OXNAD1: variants seen among roughly 807,000 people sequenced by gnomAD.
OXNAD1 encodes the protein oxidoreductase NAD binding domain containing 1, also known as oxidoreductase NAD-binding domain-containing protein 1.
Under a neutral mutation model 32.9 loss-of-function variants are expected in OXNAD1, and 34 were observed. The ratio of observed to expected loss-of-function variants is 1.03; its 90% confidence interval spans 0.79 to 1.38. OXNAD1 has a LOEUF of 1.38. OXNAD1 is among the 40% of genes most tolerant of loss of function. OXNAD1 has a pLI of 0.00. For synonymous variants in OXNAD1, 134 were observed against 135.2 expected (o/e 0.99, Z 0.06); for missense variants, 407 against 379.4 (o/e 1.07, Z -0.60).
chr3:16,313,997 G>A (rs1344609733), intron 9 of OXNAD1, among the ~76,000 whole-genome samples: 3 of 152,096 alleles, frequency 2.0e-5, no homozygotes, highest in Non-Finnish European at 2.9e-5. Context: ...AGGTGAAGTA[G>A]TTGAAAACAG....
Position 16,301,902 on chromosome 3 carries a change from G to A in OXNAD1, c.675+34G>A. On this transcript the variant is annotated intron_variant, in intron 7 of 8. Transcript: ENST00000285083. The surrounding 1 kb of genome is among the most constrained non-coding windows in gnomAD (Gnocchi z 4.1). ...GGTATAGCTTGCTGTAAGCAAACTT[G>A]TGTAGTGGTATTAATTGTTCATGAA... 1.3e-6 allele frequency: 2 copies of A among 1,599,508 alleles called. No homozygotes were observed. The highest frequency in any genetic ancestry group is 8.5e-7 in the Non-Finnish European group (1 of 1,171,628).
At chr3:16,306,571 C>T (rs73818366), downstream of OXNAD1, among the ~76,000 whole-genome samples, 1,945 of 152,182 alleles carry the variant, frequency 0.013, 33 homozygotes, top group African/African-American at 0.045. Context: ...ATGGCACACT[C>T]CTTACACCCC....
intron 9 of OXNAD1, chr3:16,326,891 C>G: frequency 6.2e-7 from 1 of 1,603,920 alleles, no homozygotes; most frequent in Non-Finnish European, 8.5e-7. Flanking sequence ...GGGAACAAGG[C>G]CAGCATTAGG....
rs190638401 is a variant in OXNAD1 at position 16,297,799 on chromosome 3, A to G, written c.432+2802A>G. On this transcript the variant is annotated intron_variant, in intron 6 of 8. Transcript: ENST00000285083. The surrounding 1 kb of genome is among the most constrained non-coding windows in gnomAD (Gnocchi z 4.3). ...GAAGACAAAGATATAATGATGGGAA[A>G]CCAGTGGTTGACTGGGGTTGAGATT... Among the ~76,000 whole-genome samples the G allele has an allele frequency of 5.1e-4, 77 of 152,296 alleles. No individual in the cohort carries two copies. The highest frequency in any genetic ancestry group is 1.8e-3 in the African/African-American group (74 of 41,566).
In OXNAD1 at chr3:16,301,803, G is replaced by A; in HGVS notation, c.610G>A (p.Gly204Arg). The change falls in exon 7 of 9, where the codon GGA becomes AGA. Residue 204 changes from glycine to arginine, a missense_variant. Coordinates refer to ENST00000285083, the MANE Select transcript of OXNAD1 (RefSeq NM_138381.5). The surrounding 1 kb of genome is among the most constrained non-coding windows in gnomAD (Gnocchi z 4.1). ...CAGAGAGCAGGCAAACAAAAGAAAT[G>A]GATATGAGATAGGAACAATAAAACT... ...LLREQANKRN[G>R]YEIGTIKLFY... is the part of the protein sequence containing the mutation. 6.2e-7 allele frequency: 1 copy of A among 1,614,048 alleles called. No homozygotes were observed. Among genetic ancestry groups the A allele is most frequent in the Non-Finnish European group, 8.5e-7 (1 of 1,179,970 alleles).
At chr3:16,283,405 G>A (rs1055063086) in intron 4 of OXNAD1, among the ~76,000 whole-genome samples, 4 of 152,184 alleles carry the variant, frequency 2.6e-5, no homozygotes, top group African/African-American at 9.7e-5. Flanking sequence ...TCCTAGCTAG[G>A]TGATCTTGAG....
Position 16,317,286 on chromosome 3 carries a change from T to C in OXNAD1, c.*30+13694T>C. The C allele has an allele frequency of 6.3e-7, 1 of 1,580,272 alleles. No individual in the cohort carries two copies. Among genetic ancestry groups the C allele is most frequent in the Non-Finnish European group, 8.6e-7 (1 of 1,164,616 alleles). On this transcript the variant is annotated intron_variant, in intron 9 of 9. Coordinates refer to the OXNAD1 transcript ENST00000435829. This position sits in a 1 kb window ranked among gnomAD's most constrained non-coding sequence, Gnocchi z 4.3. ...AACAAGCCTCCGGGAACCCAGAGCT[T>C]CACCCAAAGCCTTGTTTGCATTCAT...
chr3:16,338,869 T>C (rs758106041), downstream of OXNAD1, among the ~76,000 whole-genome samples: 8 of 152,238 alleles, frequency 5.3e-5, no homozygotes, highest in Non-Finnish European at 8.8e-5. This position sits in a 1 kb window ranked among gnomAD's most constrained non-coding sequence, Gnocchi z 5.3. Flanking sequence ...AGAGCCAGTC[T>C]GTCTGCAGGA....
rs759228021 is a variant in OXNAD1 at position 16,294,904 on chromosome 3, A to G, written c.339A>G (p.Ile113Met). 6 of 1,613,658 alleles carry G rather than the reference A, an allele frequency of 3.7e-6. No homozygotes were observed. In the East Asian group the frequency reaches 1.1e-4, roughly 30 times the overall value. Residue 113 changes from isoleucine (I) to methionine (M), a missense_variant, in exon 6 of 9, where the codon ATA becomes ATG. Transcript: ENST00000285083. ...PGVSVVGGFS[I>M]CSSPRLLEQE... ...TCTCTGTGGTTGGTGGGTTTTCAAT[A>G]TGCTCCAGTCCCAGACTGCTAGAAC... is the stretch of plus-strand genomic sequence containing the variant.
downstream of OXNAD1, among the ~76,000 whole-genome samples, chr3:16,306,708 C>G (rs1483593162): frequency 6.6e-6 from 1 of 152,158 alleles, no homozygotes; most frequent in African/African-American, 2.4e-5. Context: ...TTGCTTGATC[C>G]TCTCTCCTCT....
chr3:16,308,914 A>G (rs2067761474), downstream of OXNAD1, among the ~76,000 whole-genome samples: 1 of 152,096 alleles, frequency 6.6e-6, no homozygotes, highest in Admixed American at 6.6e-5. This position sits in a 1 kb window ranked among gnomAD's most constrained non-coding sequence, Gnocchi z 4.4. Context: ...AATAAATATG[A>G]CCAAAAATTG....
downstream of OXNAD1, among the ~76,000 whole-genome samples, chr3:16,338,706 A>T (rs1180146691): frequency 6.6e-6 from 1 of 152,208 alleles, no homozygotes; most frequent in Non-Finnish European, 1.5e-5. The surrounding 1 kb of genome is among the most constrained non-coding windows in gnomAD (Gnocchi z 5.3). Context: ...ACTATCAGAG[A>T]TGAATGAGGG....
downstream of OXNAD1, among the ~76,000 whole-genome samples, chr3:16,307,987 G>A (rs947204278): frequency 6.6e-5 from 10 of 151,472 alleles, no homozygotes; most frequent in African/African-American, 2.0e-4. Flanking sequence ...GTGGGACTCA[G>A]TTAGGGAAGT....
rs1031325828 is a variant in OXNAD1 at position 16,321,445 on chromosome 3, A to T, written c.*31-15667A>T. Among the ~76,000 whole-genome samples, 1 of 152,172 alleles carries T rather than the reference A, an allele frequency of 6.6e-6. No homozygotes were observed. The highest frequency in any genetic ancestry group is 1.5e-5 in the Non-Finnish European group (1 of 68,014). ...CCCAACATCCGGGCTGCAAGAGCTC[A>T]GGCATGATGAGGACTAGATGGAGTG... is the stretch of plus-strand genomic sequence containing the variant. On this transcript the variant is annotated intron_variant, in intron 9 of 9. Coordinates refer to the OXNAD1 transcript ENST00000435829. This position sits in a 1 kb window ranked among gnomAD's most constrained non-coding sequence, Gnocchi z 4.8.
In OXNAD1 at chr3:16,301,626, T is replaced by C; in HGVS notation, c.433T>C (p.Cys145Arg). Reference sequence around the variant, plus strand: ...AAAGGTCTTTTCTTTCCTGCCTTAGTGTACACTTGACTGTGAAGTGGCTGT... The same window carrying C: ...AAAGGTCTTTTCTTTCCTGCCTTAGCGTACACTTGACTGTGAAGTGGCTGT... ...HPPALWVHNT[C>R]TLDCEVAVRV... The change falls in exon 7 of 9, where the codon TGT becomes CGT. Residue 145 changes from cysteine (C) to arginine (R), a missense_variant and splice_region_variant. Transcript: ENST00000285083. This position sits in a 1 kb window ranked among gnomAD's most constrained non-coding sequence, Gnocchi z 4.1. The C allele has an allele frequency of 1.2e-6, 2 of 1,613,936 alleles. No individual in the cohort carries two copies. The highest frequency in any genetic ancestry group is 8.5e-7 in the Non-Finnish European group (1 of 1,179,916).
chr3:16,273,384 G>GTTTTT (rs34572763), intron 4 of OXNAD1, among the ~76,000 whole-genome samples: 7 of 121,014 alleles, frequency 5.8e-5, no homozygotes, highest in Non-Finnish European at 6.6e-5. Flanking sequence ...GTATTTTCTT[G>GTTTTT]TTTTTTTTTT....
chr3:16,293,834 A>T (rs556242413), intron 5 of OXNAD1, among the ~76,000 whole-genome samples: 1 of 152,296 alleles, frequency 6.6e-6, no homozygotes, highest in East Asian at 1.9e-4. Flanking sequence ...GTTCCCAATT[A>T]TTCCTAATTT....
chr3:16,304,176 C>A lies in OXNAD1; in HGVS notation c.*614C>A, dbSNP rs1278676986. The A allele has an allele frequency of 6.6e-6, 1 of 152,162 alleles. No homozygotes were observed. 9.4% of individuals were successfully genotyped at this position (152,162 alleles called of 1,614,324 possible). On this transcript the variant is annotated 3_prime_UTR_variant, in exon 9 of 9. Transcript: ENST00000285083. This position sits in a 1 kb window ranked among gnomAD's most constrained non-coding sequence, Gnocchi z 4.6. ...GTTAATGAATATCCTAAGTGTGTAT[C>A]CTGACTAATTGTTAGTTTCTTCTCA... is the stretch of plus-strand genomic sequence containing the variant.
chr3:16,313,113 A>T, intron 9 of OXNAD1, among the ~76,000 whole-genome samples: 1 of 149,176 alleles, frequency 6.7e-6, no homozygotes. Context: ...TGGTGTGCCC[A>T]CAGCTCACTG....
Sources: allele counts gnomAD v4.1 joint callset (sites outside exome capture counted in the v4.1 genomes callset), GRCh38; gene constraint gnomAD v4.1.1; non-coding constraint Gnocchi (gnomAD v3.1); transcripts MANE v1.5; gene names NCBI Gene and HGNC (gene_info 2026-07-23, HGNC 2026-07-21).